The following AFAP1L2 variants were observed in gnomAD, a reference collection of about 807,000 sequenced individuals.
AFAP1L2 encodes actin filament associated protein 1 like 2, also known as actin filament-associated protein 1-like 2.
AFAP1L2 carries 46 observed loss-of-function variants against 99.3 expected under a neutral mutation model. The ratio of observed to expected loss-of-function variants is 0.46; its 90% CI spans 0.37 to 0.59. AFAP1L2 has a LOEUF of 0.59. AFAP1L2 is among the 20% of genes least tolerant of loss of function. The pLI is 0.00. For synonymous variants in AFAP1L2, 397 were observed against 419.1 expected, an observed-to-expected ratio of 0.95 and a Z score of 0.64; for missense variants, 959 against 1,034.9, an observed-to-expected ratio of 0.93 and a Z score of 1.01.
rs2048678599 is a variant in AFAP1L2 at position 114,340,597 on chromosome 10, A to G, written c.145+6T>C. On this transcript the variant is annotated splice_donor_region_variant and intron_variant, in intron 2 of 18. Coordinates refer to ENST00000304129, the MANE Select transcript of AFAP1L2 (RefSeq NM_001001936.3). ...GGCCTCTGCACCACCCAGGGCCCACACTCACTGCTGCTTTTGGTGTAAAGC... is the reference window on the plus strand; with the variant it reads ...GGCCTCTGCACCACCCAGGGCCCACGCTCACTGCTGCTTTTGGTGTAAAGC... 2 of 1,613,508 alleles carry G rather than the reference A, an allele frequency of 1.2e-6. No homozygotes were observed. The highest frequency in any genetic ancestry group is 1.7e-5 in the Admixed American group (1 of 59,946).
chr10:114,371,870 G>A (rs776108818), intron 1 of AFAP1L2, among the ~76,000 whole-genome samples: 15 of 141,720 alleles, frequency 1.1e-4, no homozygotes, highest in Non-Finnish European at 2.1e-4. Context: ...TGGGGGGGTG[G>A]CGGGGGAAAG....
At position 114,323,174 on chromosome 10, in the gene AFAP1L2, T is replaced by A. The variant is rs1438046057; in HGVS notation, c.403A>T (p.Asn135Tyr). Reference protein sequence around the residue: ...EEAEPYDTSLNEDGEAVSSSY... With the variant: ...EEAEPYDTSLYEDGEAVSSSY... ...AGCCCCAGCCGCTGGGATGTACCATTGAGGGATGTGTCATATGGCTCAGCC... is the reference window on the plus strand; with the variant it reads ...AGCCCCAGCCGCTGGGATGTACCATAGAGGGATGTGTCATATGGCTCAGCC... The change falls in exon 5 of 19, where the codon AAT becomes TAT. Residue 135 changes from asparagine (N) to tyrosine (Y), a missense_variant. Transcript: ENST00000304129. The A allele has an allele frequency of 6.3e-7, 1 of 1,593,734 alleles. No individual in the cohort carries two copies. Among genetic ancestry groups the A allele is most frequent in the East Asian group, 2.3e-5 (1 of 44,286 alleles).
intron 5 of AFAP1L2, among the ~76,000 whole-genome samples, chr10:114,320,261 A>G (rs1309000874): frequency 6.6e-6 from 1 of 152,218 alleles, no homozygotes; most frequent in African/African-American, 2.4e-5. Context: ...ATGTGCTCAG[A>G]GAGAGGGACA....
chr10:114,398,166 G>A (rs1030243628), intron 1 of AFAP1L2, among the ~76,000 whole-genome samples: 1 of 152,210 alleles, frequency 6.6e-6, no homozygotes, highest in Non-Finnish European at 1.5e-5. Context: ...GAGAATATGA[G>A]AGTCGAGTGA....
intron 6 of AFAP1L2, among the ~76,000 whole-genome samples, chr10:114,314,896 A>G (rs1039753205): frequency 1.3e-5 from 2 of 152,320 alleles, no homozygotes; most frequent in African/African-American, 4.8e-5. Flanking sequence ...TAAACCCAGC[A>G]CTTTGGGAGG....
In AFAP1L2 at chr10:114,310,378, A is replaced by G. The variant is rs1352506419; in HGVS notation, c.858T>C (p.Asp286=). ...CTTTCTGGCAGTTAAAGCGCTGGGC[A>G]TCCGGGGTGTACTGGTTTCCTTCAG... ...GASEGNQYTP[D]AQRFNCQKPD... Residue 286 remains aspartate, a synonymous_variant, in exon 8 of 19, where the codon GAT becomes GAC. Transcript: ENST00000304129. The G allele has an allele frequency of 6.2e-7, 1 of 1,613,644 alleles. No homozygotes were observed. Among genetic ancestry groups the G allele is most frequent in the Non-Finnish European group, 8.5e-7 (1 of 1,179,846 alleles).
chr10:114,345,711 A>G (rs764702956), intron 1 of AFAP1L2, among the ~76,000 whole-genome samples: 1 of 152,232 alleles, frequency 6.6e-6, no homozygotes, highest in East Asian at 1.9e-4. Flanking sequence ...GGCTGTAGTC[A>G]TTCCCAGGGA....
At chr10:114,367,708 T>C (rs1247388521) in intron 1 of AFAP1L2, among the ~76,000 whole-genome samples, 1 of 152,140 alleles carries the variant, frequency 6.6e-6, no homozygotes, top group African/African-American at 2.4e-5. Context: ...TATTCCAAGC[T>C]TTCCCGGGCA....
At chr10:114,285,762 G>C in the AFAP1L2 span, among the ~76,000 whole-genome samples, 2 of 152,348 alleles carry the variant, frequency 1.3e-5, no homozygotes, top group South Asian at 4.1e-4. Flanking sequence ...CGAGTGCCAG[G>C]AGTGCCATGT....
intron 1 of AFAP1L2, among the ~76,000 whole-genome samples, chr10:114,393,763 T>C (rs999200817): frequency 1.3e-5 from 2 of 152,212 alleles, no homozygotes; most frequent in African/African-American, 2.4e-5. Context: ...GGAGATTTGC[T>C]GCCAGCCAGA....
intron 1 of AFAP1L2, among the ~76,000 whole-genome samples, chr10:114,349,272 G>C (rs371051954): frequency 1.1e-4 from 17 of 151,902 alleles, no homozygotes; most frequent in African/African-American, 2.4e-4. Flanking sequence ...CAGCCACTCA[G>C]GAGGCTGAAC....
At position 114,300,606 on chromosome 10, in the gene AFAP1L2, C is replaced by T. The variant is rs139384712; in HGVS notation, c.1627G>A (p.Val543Ile). The T allele has an allele frequency of 5.1e-5, 83 of 1,614,032 alleles. No individual in the cohort carries two copies. The African/African-American group carries it at 8.7e-4, about 17-fold the overall frequency. Residue 543 changes from valine to isoleucine, a missense_variant, in exon 14 of 19, where the codon GTC becomes ATC. Transcript: ENST00000304129. ...CTGGGGCCATGCAGAAAGGACTTGA[C>T]AGGTGTGAGGTCCAGGTACACTCGG... ...SDRVYLDLTP[V>I]KSFLHGPSSA... is the part of the protein sequence containing the mutation.
In AFAP1L2 at chr10:114,323,950, G is replaced by A. The variant is rs145620672; in HGVS notation, c.316-689C>T. Among the ~76,000 whole-genome samples, 543 of 152,292 alleles carry A rather than the reference G, an allele frequency of 3.6e-3. 4 individuals carry two copies. Among genetic ancestry groups the A allele is most frequent in the African/African-American group, 0.012 (496 of 41,560 alleles). ...TTAGGACAAAGGAAGGATGCCCAGG[G>A]TATGTGATCTTTGCGCCGAGCCTCA... On this transcript the variant is annotated intron_variant, in intron 4 of 18. Coordinates refer to ENST00000304129, the MANE Select transcript of AFAP1L2 (RefSeq NM_001001936.3).
At chr10:114,289,213 C>T in the AFAP1L2 span, 13 of 1,613,814 alleles carry the variant, frequency 8.1e-6, no homozygotes, top group East Asian at 2.9e-4. Flanking sequence ...CGCCCTGCTG[C>T]ACATCTATGA....
At chr10:114,335,337 G>T (rs2047784129) in intron 2 of AFAP1L2, among the ~76,000 whole-genome samples, 2 of 152,022 alleles carry the variant, frequency 1.3e-5, no homozygotes, top group South Asian at 4.2e-4. Flanking sequence ...ATATGGCCGG[G>T]CACGGTGGCT....
At chr10:114,351,605 A>T (rs1276134788) in intron 1 of AFAP1L2, among the ~76,000 whole-genome samples, 5 of 152,198 alleles carry the variant, frequency 3.3e-5, no homozygotes, top group Non-Finnish European at 5.9e-5. Flanking sequence ...TTAGGTGCCC[A>T]CTGGACCACC....
chr10:114,319,672 G>A, intron 5 of AFAP1L2: 1 of 1,280,884 alleles, frequency 7.8e-7, no homozygotes, highest in Non-Finnish European at 1.0e-6. Context: ...AGCACAGACA[G>A]AGGGAAGAGA....
intron 1 of AFAP1L2, among the ~76,000 whole-genome samples, chr10:114,346,138 G>A (rs548438751): frequency 5.3e-5 from 8 of 152,260 alleles, no homozygotes; most frequent in South Asian, 2.1e-4. Context: ...TTGAAGGAGC[G>A]CAGGCCTGGG....
intron 5 of AFAP1L2, among the ~76,000 whole-genome samples, chr10:114,318,043 TATG>T (rs1367249613): frequency 6.6e-6 from 1 of 152,150 alleles, no homozygotes; most frequent in Non-Finnish European, 1.5e-5. Flanking sequence ...CTCCCTAAGG[TATG>T]ATAAGGGAGA....
Sources: gnomAD v4.1 joint callset for allele counts (sites outside exome capture counted in the v4.1 genomes callset) on GRCh38, gnomAD v4.1.1 for gene constraint, MANE v1.5 for transcripts, NCBI Gene and HGNC (gene_info 2026-07-23, HGNC 2026-07-21) for gene names.